The following CACNA1I variants were observed in gnomAD, a reference collection of about 807,000 sequenced individuals.
The protein encoded by CACNA1I is voltage-dependent T-type calcium channel subunit alpha-1I.
CACNA1I carries 74 observed loss-of-function variants against 201.6 expected under a neutral mutation model. The ratio of observed to expected loss-of-function variants is 0.37; its 90% confidence interval spans 0.30 to 0.45. The LOEUF is 0.45. CACNA1I is among the 20% of genes least tolerant of loss of function. CACNA1I has a pLI of 1.00. For missense variants in CACNA1I, 2,346 were observed against 3,138.1 expected (o/e 0.75, Z 6.03); for synonymous variants, 1,431 against 1,345.2 (o/e 1.06, Z -1.40).
intron 24 of CACNA1I, among the ~76,000 whole-genome samples, 176 bp from the exon 25 acceptor site, chr22:39,669,862 G>T (rs1003679567): frequency 5.3e-5 from 8 of 152,324 alleles, no homozygotes; most frequent in Non-Finnish European, 1.5e-5. Context: ...GGACGATATT[G>T]TGCCATGCCC....
At chr22:39,589,591 G>C (rs1276158663) in intron 1 of CACNA1I, among the ~76,000 whole-genome samples, 1 of 152,218 alleles carries the variant, frequency 6.6e-6, no homozygotes, top group African/African-American at 2.4e-5. Flanking sequence ...TTCCAGGAAG[G>C]AGCTGAGCCT....
intron 35 of CACNA1I, 79 bp downstream of exon 35, chr22:39,682,740 T>C (rs190055389): frequency 7.7e-7 from 1 of 1,295,042 alleles, no homozygotes; most frequent in East Asian, 2.5e-5. Context: ...CTGAGTTTTT[T>C]CCTTAGTATT....
chr22:39,570,988 C>G lies in CACNA1I; in HGVS notation c.236C>G (p.Pro79Arg). ...RNWCIKMVCN[P>R]WFECVSMLVI... ...TGGTGCATCAAGATGGTGTGCAACC[C>G]ATATCCTCCGCAGCCTCGGCTGATC... is the stretch of plus-strand genomic sequence containing the variant. The change falls in exon 1 of 37, where the codon CCG becomes CGG. Residue 79 changes from proline to arginine, a missense_variant and splice_region_variant. Physicochemically the swap from Pro to Arg is moderately radical, Grantham distance 103. Transcript: ENST00000402142. 1 of 1,612,816 alleles carries G rather than the reference C, an allele frequency of 6.2e-7. No individual in the cohort carries two copies. Among genetic ancestry groups the G allele is most frequent in the Non-Finnish European group, 8.5e-7 (1 of 1,179,024 alleles).
At chr22:39,679,067 T>C in intron 31 of CACNA1I, 40 bp from the exon 32 acceptor site, 1 of 1,475,080 alleles carries the variant, frequency 6.8e-7, no homozygotes, top group Non-Finnish European at 9.2e-7. Flanking sequence ...GCCTCTGGGA[T>C]GTCTCCGTCC....
intron 4 of CACNA1I, among the ~76,000 whole-genome samples, chr22:39,620,301 A>T (rs1489122102): frequency 6.6e-6 from 1 of 151,212 alleles, no homozygotes; most frequent in African/African-American, 2.4e-5. Context: ...ACATCTGCTC[A>T]TCTTTCTAGC....
chr22:39,649,711 G>C lies in CACNA1I; in HGVS notation c.1778G>C (p.Gly593Ala), dbSNP rs1482030868. The change falls in exon 10 of 37, where the codon GGG becomes GCG. Residue 593 changes from glycine to alanine, a missense_variant. Gly to Ala is a moderately conservative substitution (Grantham distance 60). Coordinates refer to ENST00000402142, the MANE Select transcript of CACNA1I (RefSeq NM_021096.4). The surrounding 1 kb of genome is among the most constrained non-coding windows in gnomAD (Gnocchi z 7.3). Reference protein sequence around the residue: ...AGGEDEADGDGARSSEDGASS... With the variant: ...AGGEDEADGDAARSSEDGASS... ...GGCGAGGACGAGGCGGATGGGGACGGGGCCCGGAGCAGCGAGGACGGAGCC... is the reference window on the plus strand; with the variant it reads ...GGCGAGGACGAGGCGGATGGGGACGCGGCCCGGAGCAGCGAGGACGGAGCC... The C allele has an allele frequency of 3.9e-6, 6 of 1,528,794 alleles. No individual in the cohort carries two copies. Among genetic ancestry groups the C allele is most frequent in the African/African-American group, 1.4e-5 (1 of 72,868 alleles). The allele number at this position is 1,528,794 out of a possible 1,614,324, so 94.7% of individuals were successfully genotyped here. A position where few individuals can be genotyped will look rare whatever the true frequency, so the allele number is the denominator to read the frequency against.
chr22:39,653,825 G>GGCA (rs2146436745), intron 10 of CACNA1I, among the ~76,000 whole-genome samples: 2 of 152,352 alleles, frequency 1.3e-5, no homozygotes, highest in Non-Finnish European at 2.9e-5. Context: ...GGTTCCTCAT[G>GGCA]GCAGCAGATG....
At chr22:39,584,601 A>G (rs1026781164) in intron 1 of CACNA1I, among the ~76,000 whole-genome samples, 1 of 152,102 alleles carries the variant, frequency 6.6e-6, no homozygotes, top group African/African-American at 2.4e-5. Context: ...AAGTGACAGA[A>G]CCACAAAGTG....
chr22:39,619,185 C>T (rs1021593342), intron 3 of CACNA1I, 125 bp from the exon 4 acceptor site: 23 of 723,736 alleles, frequency 3.2e-5, no homozygotes, highest in African/African-American at 8.6e-5. Context: ...GCTGGAGATC[C>T]GACTGCTGTC....
At chr22:39,633,959 TG>T (rs1294066620) in intron 4 of CACNA1I, among the ~76,000 whole-genome samples, 1 of 152,136 alleles carries the variant, frequency 6.6e-6, no homozygotes, top group Non-Finnish European at 1.5e-5. Flanking sequence ...AGGGGAACAG[TG>T]ACTGTCTCAG....
At chr22:39,663,004 G>A (rs1210723602) in intron 18 of CACNA1I, 128 bp downstream of exon 18, 4 of 666,562 alleles carry the variant, frequency 6.0e-6, no homozygotes, top group East Asian at 2.7e-5. Flanking sequence ...CGGCCCAGAG[G>A]TGGGGGTCTC....
At chr22:39,667,870 G>A (rs561083070) in intron 23 of CACNA1I, among the ~76,000 whole-genome samples, 1 of 152,314 alleles carries the variant, frequency 6.6e-6, no homozygotes, top group South Asian at 2.1e-4. Context: ...GCTGGGGCAA[G>A]CGTGTCTTAC....
chr22:39,622,649 C>T (rs1933781993), intron 4 of CACNA1I, among the ~76,000 whole-genome samples: 1 of 151,278 alleles, frequency 6.6e-6, no homozygotes, highest in Non-Finnish European at 1.5e-5. Flanking sequence ...TGGGACTGCT[C>T]CTGGAACAGG....
Position 39,677,188 on chromosome 22 carries a change from G to A in CACNA1I, c.4855-153G>A, listed in dbSNP as rs1935537426. On this transcript the variant is annotated intron_variant, in intron 29 of 36. Coordinates refer to ENST00000402142, the MANE Select transcript of CACNA1I (RefSeq NM_021096.4). This position sits in a 1 kb window ranked among gnomAD's most constrained non-coding sequence, Gnocchi z 4.8. ...CAGCCTGCCCTCCAGGTCCTGTAGG[G>A]GTGGCAGACGTGGACACACAGCCTG... Among the ~76,000 whole-genome samples the A allele has an allele frequency of 6.6e-6, 1 of 152,162 alleles. No individual in the cohort carries two copies. The highest frequency in any genetic ancestry group is 6.5e-5 in the Admixed American group (1 of 15,280).
At position 39,608,794 on chromosome 22, in the gene CACNA1I, T is replaced by C. The variant is rs540448466; in HGVS notation, c.482+8141T>C. ...AAGATTGCGCCACTACACTGCAGCC[T>C]GGGTGACAGAGTGAGATCCTGTCTC... On this transcript the variant is annotated intron_variant, in intron 3 of 36. Coordinates refer to ENST00000402142, the MANE Select transcript of CACNA1I (RefSeq NM_021096.4). Among the ~76,000 whole-genome samples the C allele has an allele frequency of 2.0e-5, 3 of 152,008 alleles. No individual in the cohort carries two copies. The South Asian group carries it at 6.2e-4, about 32-fold the overall frequency.
Position 39,666,150 on chromosome 22 carries a change from A to G in CACNA1I, c.4104+144A>G. On this transcript the variant is annotated intron_variant, in intron 23 of 36. Coordinates refer to ENST00000402142, the MANE Select transcript of CACNA1I (RefSeq NM_021096.4). This position sits in a 1 kb window ranked among gnomAD's most constrained non-coding sequence, Gnocchi z 4.1. ...CAAGCCTCAGTTTCCTCTTCTGCAA[A>G]ATGGGTAAGGGTAGCACTCACCTCT... 5.5e-6 allele frequency: 6 copies of G among 1,081,502 alleles called. No homozygotes were observed. The highest frequency in any genetic ancestry group is 8.0e-6 in the Non-Finnish European group (6 of 746,752). 67.0% of individuals were successfully genotyped at this position (1,081,502 alleles called of 1,614,324 possible). A position where few individuals can be genotyped will look rare whatever the true frequency, so the allele number is the denominator to read the frequency against.
intron 10 of CACNA1I, chr22:39,656,587 C>T (rs986840770): frequency 1.5e-5 from 8 of 517,480 alleles, no homozygotes; most frequent in Non-Finnish European, 3.1e-5. Flanking sequence ...CACTGCCCAC[C>T]CTGGTAGCTC....
At chr22:39,672,903 G>A in intron 27 of CACNA1I, 46 bp from the exon 28 acceptor site, 1 of 1,579,244 alleles carries the variant, frequency 6.3e-7, no homozygotes, top group Non-Finnish European at 8.6e-7. Flanking sequence ...GAACCAGAGG[G>A]ATCCTCCTCA....
chr22:39,653,549 G>A (rs1228046026), intron 10 of CACNA1I, among the ~76,000 whole-genome samples: 1 of 152,202 alleles, frequency 6.6e-6, no homozygotes, highest in African/African-American at 2.4e-5. Flanking sequence ...GAGGAGGAGA[G>A]GGTGGGTGAA....
Sources: gnomAD v4.1 joint callset for allele counts (sites outside exome capture counted in the v4.1 genomes callset) on GRCh38, gnomAD v4.1.1 for gene constraint, Gnocchi (gnomAD v3.1) non-coding constraint, MANE v1.5 for transcripts, NCBI Gene and HGNC (gene_info 2026-07-23, HGNC 2026-07-21) for gene names.